COL9A3: variants seen among roughly 807,000 people sequenced by gnomAD.
COL9A3 encodes the protein collagen type IX alpha 3 chain.
COL9A3 carries 82 observed loss-of-function variants against 110.2 expected under a neutral mutation model. The ratio of observed to expected loss-of-function variants is 0.74; its 90% CI spans 0.62 to 0.89. The LOEUF (loss-of-function observed/expected upper bound fraction) is 0.89. Ranked by LOEUF, COL9A3 falls within the 40% of genes least tolerant of loss-of-function variation. The pLI is 0.00. For synonymous variants in COL9A3, 494 were observed against 403.8 expected, an observed-to-expected ratio of 1.22 and a Z score of -2.68; for missense variants, 1,066 against 981.3, an observed-to-expected ratio of 1.09 and a Z score of -1.15.
rs1285114144 is a variant in COL9A3, at chr20:62,837,245, T to G, written c.1766T>G (p.Leu589Arg). 1.2e-5 allele frequency: 20 copies of G among 1,611,200 alleles called. No individual in the cohort carries two copies. The highest frequency in any genetic ancestry group is 1.7e-5 in the Non-Finnish European group (20 of 1,179,770). ...PPGYRGPTGE[L>R]GDPGPRGNQG... is the part of the protein sequence containing the mutation. ...GGATACCGCGGTCCCACTGGGGAGC[T>G]GGGAGACCCCGGGCCCAGAGGTGAG... The change falls in exon 30 of 32, where the codon CTG (leucine) becomes CGG (arginine). Residue 589 changes from leucine to arginine, a missense_variant. Transcript: ENST00000649368.
At position 62,821,829 on chromosome 20, in the gene COL9A3, G is replaced by A. The variant is rs1272086666; in HGVS notation, c.423+19G>A. 4 of 1,560,262 alleles carry A rather than the reference G, an allele frequency of 2.6e-6. No individual in the cohort carries two copies. The highest frequency in any genetic ancestry group is 1.7e-5 in the Admixed American group (1 of 59,368). On this transcript the variant is annotated intron_variant, in intron 8 of 31. Coordinates refer to ENST00000649368, the MANE Select transcript of COL9A3 (RefSeq NM_001853.4). ...CCCCCCGGTGAGTGGCTGTCCCAGA[G>A]CCCCTCAGAGTGTGCTCACCTGTGG...
At chr20:62,831,115 G>A (rs2063594129) in intron 24 of COL9A3, 1 of 152,334 alleles carries the variant, frequency 6.6e-6, no homozygotes, top group Non-Finnish European at 1.5e-5. Flanking sequence ...CGGAGGCGCG[G>A]TTGACAGAGG....
chr20:62,840,515 G>A (rs2063668700), intron 31 of COL9A3, 27 bp from the exon 32 acceptor site: 1 of 1,606,612 alleles, frequency 6.2e-7, no homozygotes, highest in African/African-American at 1.3e-5. Flanking sequence ...GGCTGCAGCT[G>A]AACTCACCTT....
rs370134217 is a variant in COL9A3, at chr20:62,837,147, C to T, written c.1668C>T (p.Pro556=). ...TGGCACCCGGGTCCATTGGTCGGCC[C>T]GGTCCAGCTGGCCCCCCTGGGCCCC... ...KPLAPGSIGR[P]GPAGPPGPPG... Residue 556 remains proline (P), a synonymous_variant, in exon 30 of 32, where the codon CCC becomes CCT. Transcript: ENST00000649368. 321 of 1,613,150 alleles carry T rather than the reference C, an allele frequency of 2.0e-4. No homozygotes were observed. Among genetic ancestry groups the T allele is most frequent in the East Asian group, 4.5e-4 (20 of 44,892 alleles).
intron 11 of COL9A3, 134 bp from the exon 12 acceptor site, chr20:62,824,834 C>A (rs1448092569): frequency 1.0e-6 from 1 of 985,844 alleles, no homozygotes; most frequent in Non-Finnish European, 1.6e-6. Flanking sequence ...CCCATGAGGG[C>A]CCAGACCCGC....
chr20:62,821,826 A>G lies in COL9A3; in HGVS notation c.423+16A>G. ...CGGCCCCCCGGTGAGTGGCTGTCCC[A>G]GAGCCCCTCAGAGTGTGCTCACCTG... On this transcript the variant is annotated intron_variant, in intron 8 of 31. Coordinates refer to ENST00000649368, the MANE Select transcript of COL9A3 (RefSeq NM_001853.4). 6.4e-7 allele frequency: 1 copy of G among 1,559,772 alleles called. No individual in the cohort carries two copies. Among genetic ancestry groups the G allele is most frequent in the African/African-American group, 1.3e-5 (1 of 74,116 alleles).
intron 24 of COL9A3, chr20:62,831,902 G>A (rs2063600164): frequency 1.8e-6 from 1 of 571,010 alleles, no homozygotes; most frequent in African/African-American, 1.9e-5. Flanking sequence ...CGAATTCACG[G>A]GTGTTACAAA....
chr20:62,825,481 G>A (rs2063545237), intron 12 of COL9A3: 3 of 448,914 alleles, frequency 6.7e-6, no homozygotes, highest in South Asian at 2.8e-5. Flanking sequence ...GACCAGGTCT[G>A]GGATGCCCTT....
At chr20:62,830,316 T>G in intron 22 of COL9A3, 44 bp from the exon 23 acceptor site, 2 of 1,552,626 alleles carry the variant, frequency 1.3e-6, no homozygotes, top group Non-Finnish European at 8.7e-7. Context: ...TGGGGACTCC[T>G]CGAACCCTGA....
In COL9A3 at chr20:62,824,462, G is replaced by T; in HGVS notation, c.537G>T (p.Pro179=). The change falls in exon 11 of 32, where the codon CCG becomes CCT. Residue 179 remains proline, a synonymous_variant. Transcript: ENST00000649368. ...ATDLQCPSIC[P]PGPPGPPGMP... The stretch of plus-strand genomic sequence containing the variant: ...TCCGACAGTGCCCAAGTATCTGCCC[G>T]CCAGGTCCCCCAGGGCCCCCTGGAA... 1.9e-6 allele frequency: 3 copies of T among 1,601,798 alleles called. No individual in the cohort carries two copies. The highest frequency in any genetic ancestry group is 2.6e-6 in the Non-Finnish European group (3 of 1,174,720).
chr20:62,833,428 G>A (rs1027938974), intron 26 of COL9A3, among the ~76,000 whole-genome samples: 2 of 152,142 alleles, frequency 1.3e-5, no homozygotes, highest in African/African-American at 4.8e-5. Flanking sequence ...GTTTTGAGAC[G>A]AGTCTCACTC....
At chr20:62,822,416 C>G (rs1251857769) in intron 9 of COL9A3, among the ~76,000 whole-genome samples, 175 bp from the exon 10 acceptor site, 2 of 149,000 alleles carry the variant, frequency 1.3e-5, no homozygotes, top group African/African-American at 2.5e-5. Context: ...GTCACATGCC[C>G]TGTGGGTGGG....
At chr20:62,824,414 G>T in intron 10 of COL9A3, 31 bp from the exon 11 acceptor site, 1 of 1,584,066 alleles carries the variant, frequency 6.3e-7, no homozygotes, top group Non-Finnish European at 8.6e-7. Flanking sequence ...TGTTTGGCTG[G>T]GAGGGGTCTG....
Position 62,835,964 on chromosome 20 carries a change from G to C in COL9A3, c.1401+11G>C, listed in dbSNP as rs183899937. On this transcript the variant is annotated intron_variant, in intron 27 of 31. Transcript: ENST00000649368. ...GGACCCAAAGGAGAGGTGAGTGCCC[G>C]GCGACTGTTCCGATGACACCATCCA... The C allele has an allele frequency of 1.3e-4, 207 of 1,614,182 alleles. No homozygotes were observed. In the Middle Eastern group the frequency reaches 2.5e-3, roughly 19 times the overall value.
At position 62,832,331 on chromosome 20, in the gene COL9A3, G is replaced by A. The variant is rs2063603261; in HGVS notation, c.1323+142G>A. ...TCTCCTCTTGCCGTGTCTGTCAGTC[G>A]CCCTTTCTGGCTCCTGCCCCTCCTG... On this transcript the variant is annotated intron_variant, in intron 25 of 31. Transcript: ENST00000649368. 25 of 575,726 alleles carry A rather than the reference G, an allele frequency of 4.3e-5. 1 individual carries two copies. The highest frequency in any genetic ancestry group is 5.5e-5 in the Non-Finnish European group (19 of 347,810). 35.7% of individuals were successfully genotyped at this position (575,726 alleles called of 1,614,324 possible).
Position 62,838,901 on chromosome 20 carries a change from A to G in COL9A3, c.1864+140A>G, listed in dbSNP as rs1340625463. 3.8e-6 allele frequency: 3 copies of G among 780,144 alleles called. No homozygotes were observed. In the East Asian group the frequency reaches 8.0e-5, roughly 21 times the overall value. 48.3% of individuals were successfully genotyped at this position (780,144 alleles called of 1,614,324 possible). On this transcript the variant is annotated intron_variant, in intron 31 of 31. Coordinates refer to ENST00000649368, the MANE Select transcript of COL9A3 (RefSeq NM_001853.4). ...AAGCAGTCTTAGAGACAAGATTAGG[A>G]ATTGTCTCAATAACCACTTTAATAC... is the stretch of plus-strand genomic sequence containing the variant.
Position 62,836,223 on chromosome 20 carries a change from C to T in COL9A3, c.1438C>T (p.Gln480Ter). ...SRGELGPKGTQGPNGTSGVQG... is the reference protein window; with the variant it reads ...SRGELGPKGT ...AGGGGAGCTGGGCCCCAAAGGCACC[C>T]AGGGTCCCAACGGCACCAGCGGTGT... The change falls in exon 28 of 32, where the codon CAG becomes TAG. Residue 480 changes from glutamine (Q) to a stop codon, truncating the protein, a stop_gained. Transcript: ENST00000649368. LOFTEE classifies it high-confidence loss of function. 1 of 1,613,658 alleles carries T rather than the reference C, an allele frequency of 6.2e-7. No individual in the cohort carries two copies. Among genetic ancestry groups the T allele is most frequent in the Middle Eastern group, 1.6e-4 (1 of 6,062 alleles).
At chr20:62,825,467 G>A (rs900695813) in intron 12 of COL9A3, 23 of 396,048 alleles carry the variant, frequency 5.8e-5, no homozygotes, top group African/African-American at 3.8e-4. Context: ...CCTGCAGGCC[G>A]GGGGACCAGG....
At chr20:62,839,224 C>T (rs2063656462) in intron 31 of COL9A3, among the ~76,000 whole-genome samples, 1 of 140,958 alleles carries the variant, frequency 7.1e-6, no homozygotes, top group Admixed American at 7.0e-5. Context: ...GAGCGAGACT[C>T]CATCTCAAAA....
Sources: gnomAD v4.1 joint callset for allele counts (sites outside exome capture counted in the v4.1 genomes callset) on GRCh38, gnomAD v4.1.1 for gene constraint, MANE v1.5 for transcripts, NCBI Gene and HGNC (gene_info 2026-07-23, HGNC 2026-07-21) for gene names.